WWTR1: variants seen among roughly 807,000 people sequenced by gnomAD.
WWTR1 encodes WW domain-containing transcription regulator protein 1.
Under a neutral mutation model 40.1 loss-of-function variants are expected in WWTR1, and 13 were observed. The ratio of observed to expected loss-of-function variants is 0.32; its 90% confidence interval spans 0.21 to 0.52. The LOEUF (loss-of-function observed/expected upper bound fraction) is 0.52. Ranked by LOEUF, WWTR1 falls within the 20% of genes least tolerant of loss-of-function variation. The pLI is 0.97. For synonymous variants in WWTR1, 230 were observed against 210.1 expected, an observed-to-expected ratio of 1.09 and a Z score of -0.82; for missense variants, 436 against 523.1, an observed-to-expected ratio of 0.83 and a Z score of 1.63.
intron 3 of WWTR1, among the ~76,000 whole-genome samples, chr3:149,565,169 G>A (rs1260998433): frequency 1.3e-5 from 2 of 151,792 alleles, no homozygotes; most frequent in South Asian, 2.1e-4. Flanking sequence ...CCAGGGCAAC[G>A]GACCAAGATT....
chr3:149,545,233 T>G (rs1736310087), intron 3 of WWTR1, among the ~76,000 whole-genome samples: 1 of 152,130 alleles, frequency 6.6e-6, no homozygotes, highest in African/African-American at 2.4e-5. Flanking sequence ...AAAGTTCCCT[T>G]AAGTACAGAT....
intron 5 of WWTR1, among the ~76,000 whole-genome samples, chr3:149,716,974 G>C (rs1272048518): frequency 6.6e-6 from 1 of 152,178 alleles, no homozygotes; most frequent in Non-Finnish European, 1.5e-5. Context: ...CCCAGAGTTC[G>C]AGACCAGACT....
At chr3:149,633,672 C>T (rs898586501) in intron 2 of WWTR1, among the ~76,000 whole-genome samples, 4 of 152,030 alleles carry the variant, frequency 2.6e-5, no homozygotes, top group Admixed American at 2.6e-4. Flanking sequence ...AGGGGTGGAG[C>T]GGACACTAAG....
intron 2 of WWTR1, among the ~76,000 whole-genome samples, chr3:149,663,759 G>A (rs1713687448): frequency 2.0e-5 from 3 of 152,280 alleles, no homozygotes; most frequent in South Asian, 2.1e-4. Context: ...AGAGCATAGT[G>A]ACCTTTAGAT....
chr3:149,637,027 C>G (rs1399597881), intron 2 of WWTR1, among the ~76,000 whole-genome samples: 1 of 143,794 alleles, frequency 7.0e-6, no homozygotes, highest in African/African-American at 2.5e-5. Context: ...AGATTTGGTT[C>G]TTGTCACTAT....
chr3:149,601,829 T>C (rs1405883508), intron 2 of WWTR1, among the ~76,000 whole-genome samples: 6 of 152,164 alleles, frequency 3.9e-5, no homozygotes, highest in Admixed American at 3.9e-4. Context: ...CCGACAATGC[T>C]AAAGGCAGTA....
chr3:149,571,219 T>C (rs1430186751), intron 3 of WWTR1, among the ~76,000 whole-genome samples: 37 of 117,744 alleles, frequency 3.1e-4, no homozygotes, highest in East Asian at 1.0e-3. Flanking sequence ...CTTTTCTTTT[T>C]TTTTTTTTTT....
intron 2 of WWTR1, among the ~76,000 whole-genome samples, chr3:149,633,564 C>T (rs758327559): frequency 2.0e-4 from 31 of 152,152 alleles, no homozygotes; most frequent in Non-Finnish European, 3.1e-4. Context: ...GGACCCAGCT[C>T]AGTGCTAGGT....
At chr3:149,559,851 A>C (rs1207183066) in intron 3 of WWTR1, among the ~76,000 whole-genome samples, 1 of 152,192 alleles carries the variant, frequency 6.6e-6, no homozygotes, top group Non-Finnish European at 1.5e-5. Flanking sequence ...CTCTATCCCC[A>C]ACCCCAACTG....
At chr3:149,578,399 C>T (rs929985268) in intron 2 of WWTR1, among the ~76,000 whole-genome samples, 1 of 152,160 alleles carries the variant, frequency 6.6e-6, no homozygotes, top group African/African-American at 2.4e-5. Flanking sequence ...GATTTCATGG[C>T]CAGTTCTCCT....
intron 3 of WWTR1, among the ~76,000 whole-genome samples, chr3:149,557,061 CTTTTTTTTTTTT>C (rs3044118): frequency 2.0e-4 from 13 of 64,356 alleles, no homozygotes; most frequent in Admixed American, 4.8e-4. Flanking sequence ...CTGGAATCTT[CTTTTTTTTTTTT>C]TTTTTTTTTT....
chr3:149,523,880 C>T (rs1735171237), intron 6 of WWTR1, among the ~76,000 whole-genome samples: 1 of 152,232 alleles, frequency 6.6e-6, no homozygotes, highest in South Asian at 2.1e-4. Context: ...AGAGGTGGCC[C>T]CACACTCAAT....
intron 2 of WWTR1, among the ~76,000 whole-genome samples, chr3:149,625,154 C>G (rs562468944): frequency 2.2e-5 from 3 of 133,390 alleles, no homozygotes; most frequent in African/African-American, 5.8e-5. Context: ...CGGAGTCTCG[C>G]TCTGTTGCCC....
intron 1 of WWTR1, among the ~76,000 whole-genome samples, chr3:149,677,626 AGG>A (rs770146204): frequency 6.6e-6 from 1 of 152,160 alleles, no homozygotes; most frequent in Non-Finnish European, 1.5e-5. Context: ...GGATCAACTG[AGG>A]TCAGCAGTTT....
intron 6 of WWTR1, among the ~76,000 whole-genome samples, chr3:149,522,586 A>G (rs975813156): frequency 6.6e-6 from 1 of 152,218 alleles, no homozygotes; most frequent in Non-Finnish European, 1.5e-5. Context: ...GATAAAAATG[A>G]GGCTTTAAAA....
chr3:149,529,878 C>CTT (rs1735486544), intron 4 of WWTR1, among the ~76,000 whole-genome samples: 1 of 152,246 alleles, frequency 6.6e-6, no homozygotes, highest in South Asian at 2.1e-4. Context: ...ATGCAAGAAT[C>CTT]TTTTGACTCA....
chr3:149,642,701 G>T (rs1712250080), intron 2 of WWTR1, among the ~76,000 whole-genome samples: 1 of 151,850 alleles, frequency 6.6e-6, no homozygotes, highest in Admixed American at 6.6e-5. Context: ...CCGGAACCCG[G>T]GAGGCGGAGC....
chr3:149,655,383 T>C (rs1419939291), intron 2 of WWTR1, among the ~76,000 whole-genome samples: 1 of 152,094 alleles, frequency 6.6e-6, no homozygotes. Flanking sequence ...GGGCGGAGGT[T>C]GCAGTGAGCC....
At chr3:149,697,895 T>C (rs1576645136) in intron 1 of WWTR1, among the ~76,000 whole-genome samples, 2 of 152,326 alleles carry the variant, frequency 1.3e-5, no homozygotes, top group Non-Finnish European at 1.5e-5. Flanking sequence ...AAAGGGGTAA[T>C]AGGCCCATGC....
Sources: gnomAD v4.1 joint callset for allele counts (sites outside exome capture counted in the v4.1 genomes callset) on GRCh38, gnomAD v4.1.1 for gene constraint, MANE v1.5 for transcripts, NCBI Gene and HGNC (gene_info 2026-07-23, HGNC 2026-07-21) for gene names.